GRIN2B: variants seen among roughly 807,000 people sequenced by gnomAD.
The protein encoded by GRIN2B is glutamate ionotropic receptor NMDA type subunit 2B.
A neutral mutation model predicts 114.5 loss-of-function variants in GRIN2B; 5 were observed. That is an observed-to-expected ratio of 0.04 (90% confidence interval 0.02 to 0.09). The LOEUF is 0.09. Ranked by LOEUF, GRIN2B falls within the 10% of genes least tolerant of loss-of-function variation. The pLI is 1.00. For missense variants in GRIN2B, 1,108 were observed against 1,943.5 expected, an observed-to-expected ratio of 0.57 and a Z score of 8.08; for synonymous variants, 787 against 745.1, an observed-to-expected ratio of 1.06 and a Z score of -0.92.
intron 10 of GRIN2B, 145 bp from the exon 11 acceptor site, chr12:13,572,109 A>ATACATTAGC (rs1948716194): frequency 1.3e-5 from 9 of 697,894 alleles, no homozygotes; most frequent in Non-Finnish European, 2.3e-5. Context: ...AATTCACCGA[A>ATACATTAGC]TACATTAGCC....
intron 4 of GRIN2B, among the ~76,000 whole-genome samples, chr12:13,736,227 G>A (rs1863182062): frequency 6.7e-6 from 1 of 150,266 alleles, no homozygotes; most frequent in African/African-American, 2.4e-5. Flanking sequence ...ACAGCATATG[G>A]CATTTCTAGG....
At chr12:13,815,827 T>C (rs965277831) in intron 3 of GRIN2B, among the ~76,000 whole-genome samples, 2 of 152,196 alleles carry the variant, frequency 1.3e-5, no homozygotes, top group Admixed American at 6.5e-5. Context: ...TTCTTCTTCT[T>C]GTACTTATAT....
At chr12:13,649,653 G>A (rs1949796601) in intron 5 of GRIN2B, among the ~76,000 whole-genome samples, 1 of 152,034 alleles carries the variant, frequency 6.6e-6, no homozygotes, top group South Asian at 2.1e-4. Context: ...TTGAATACAA[G>A]TTGATATTTA....
chr12:13,921,411 A>T (rs1195808705), intron 2 of GRIN2B, among the ~76,000 whole-genome samples: 2 of 152,208 alleles, frequency 1.3e-5, no homozygotes, highest in Non-Finnish European at 2.9e-5. Flanking sequence ...TCTCAAAAGT[A>T]AAATCAAATA....
chr12:13,607,374 TTA>T (rs371641364), intron 10 of GRIN2B, among the ~76,000 whole-genome samples: 2,579 of 38,782 alleles, frequency 0.066, 161 homozygotes, highest in South Asian at 0.15. Flanking sequence ...ATATTATATA[TTA>T]TATATATAAT....
intron 2 of GRIN2B, among the ~76,000 whole-genome samples, chr12:13,967,706 G>T (rs759338669): frequency 6.6e-6 from 1 of 152,152 alleles, no homozygotes. Flanking sequence ...ATAGAGACAC[G>T]ATAGCAGTCC....
chr12:13,812,809 T>A (rs1216972390), intron 3 of GRIN2B, among the ~76,000 whole-genome samples: 1 of 152,098 alleles, frequency 6.6e-6, no homozygotes, highest in Non-Finnish European at 1.5e-5. Context: ...AATGGAGAAA[T>A]TATGGACTTG....
intron 5 of GRIN2B, among the ~76,000 whole-genome samples, chr12:13,632,134 A>T (rs1242114364): frequency 2.0e-5 from 3 of 152,260 alleles, no homozygotes; most frequent in Admixed American, 6.5e-5. Flanking sequence ...GCTTCAAGTG[A>T]AGTTCAGAAA....
intron 4 of GRIN2B, among the ~76,000 whole-genome samples, chr12:13,727,925 TCTC>T (rs1436218029): frequency 2.0e-5 from 3 of 152,202 alleles, no homozygotes; most frequent in South Asian, 2.1e-4. Flanking sequence ...ATGCACCCCT[TCTC>T]CTGGGCATGG....
intron 2 of GRIN2B, among the ~76,000 whole-genome samples, chr12:13,954,596 GGTCAGGA>G (rs1867551946): frequency 1.3e-5 from 2 of 151,864 alleles, no homozygotes; most frequent in South Asian, 4.2e-4. Flanking sequence ...GATCACTTGA[GGTCAGGA>G]GTTCAAGGCT....
chr12:13,608,267 T>C (rs1949315078), intron 10 of GRIN2B, among the ~76,000 whole-genome samples: 1 of 152,118 alleles, frequency 6.6e-6, no homozygotes. Flanking sequence ...GCGGCGGTCC[T>C]CTAATAACAC....
intron 2 of GRIN2B, among the ~76,000 whole-genome samples, chr12:13,922,220 C>A (rs1866836023): frequency 6.6e-6 from 1 of 152,144 alleles, no homozygotes; most frequent in Non-Finnish European, 1.5e-5. Context: ...CTCAATGGTT[C>A]AGAGAGCACT....
intron 4 of GRIN2B, among the ~76,000 whole-genome samples, chr12:13,680,746 AC>A (rs2136545917): frequency 6.6e-6 from 1 of 152,168 alleles, no homozygotes; most frequent in Non-Finnish European, 1.5e-5. Context: ...TTCCATGATC[AC>A]CAAGTGAAGT....
At chr12:13,693,154 A>G (rs889199374) in intron 4 of GRIN2B, among the ~76,000 whole-genome samples, 1 of 152,050 alleles carries the variant, frequency 6.6e-6, no homozygotes, top group African/African-American at 2.4e-5. Flanking sequence ...TAGAAGTTTG[A>G]TGATGTTTTT....
rs144825797 is a variant in GRIN2B at position 13,591,260 on chromosome 12, A to G, written c.2010+17343T>C. Among the ~76,000 whole-genome samples the G allele has an allele frequency of 2.0e-5, 3 of 152,248 alleles. No individual in the cohort carries two copies. The East Asian group carries it at 5.8e-4, about 29-fold the overall frequency. On this transcript the variant is annotated intron_variant, in intron 10 of 13. Transcript: ENST00000609686. ...GGCTGAGTGGTGGGCTCTTGGGTGT[A>G]TTTGTAGCAGTTTGTGGCTTTCAGG...
chr12:13,839,406 T>C (rs566755143), intron 3 of GRIN2B, among the ~76,000 whole-genome samples: 3 of 152,268 alleles, frequency 2.0e-5, no homozygotes, highest in South Asian at 2.1e-4. Flanking sequence ...TTGAAAGTGG[T>C]TCAATCAGTG....
At chr12:13,887,401 A>C (rs1439162007) in intron 2 of GRIN2B, among the ~76,000 whole-genome samples, 2 of 152,218 alleles carry the variant, frequency 1.3e-5, no homozygotes, top group Admixed American at 6.5e-5. Context: ...GAAGTGTAGT[A>C]AAATCTTCAC....
intron 4 of GRIN2B, among the ~76,000 whole-genome samples, chr12:13,692,002 G>A (rs1203212403): frequency 1.3e-5 from 2 of 152,144 alleles, no homozygotes; most frequent in African/African-American, 4.8e-5. Flanking sequence ...AAGTGTCGAG[G>A]CTGCCAAATC....
intron 3 of GRIN2B, among the ~76,000 whole-genome samples, chr12:13,765,343 G>A (rs1467414881): frequency 6.6e-6 from 1 of 152,218 alleles, no homozygotes. Flanking sequence ...TCAAAGAAAA[G>A]TCCACAATTT....
Sources: allele counts gnomAD v4.1 joint callset (sites outside exome capture counted in the v4.1 genomes callset), GRCh38; gene constraint gnomAD v4.1.1; transcripts MANE v1.5; gene names NCBI Gene and HGNC (gene_info 2026-07-23, HGNC 2026-07-21).